Variants in DLGAP1 observed in about 807,000 individuals in gnomAD.
DLGAP1 encodes DLG associated protein 1, also known as disks large-associated protein 1.
In DLGAP1, 11 loss-of-function variants were observed where a neutral mutation model predicts 90.8. That is an observed-to-expected ratio of 0.12 (90% CI 0.08 to 0.20). The LOEUF is 0.20. DLGAP1 is among the 10% of genes least tolerant of loss of function. The pLI, the probability that DLGAP1 is intolerant of heterozygous loss-of-function variation, is 1.00. For synonymous variants in DLGAP1, 558 were observed against 540.7 expected (o/e 1.03, Z -0.44); for missense variants, 1,050 against 1,333.8 (o/e 0.79, Z 3.31).
intron 7 of DLGAP1, among the ~76,000 whole-genome samples, chr18:3,591,604 G>T (rs927697773): frequency 3.9e-5 from 6 of 151,910 alleles, no homozygotes; most frequent in African/African-American, 1.4e-4. Flanking sequence ...TTGGAAGGCT[G>T]GGGCGGGAGG....
intron 1 of DLGAP1, chr18:4,295,338 C>T (rs559571794): frequency 6.6e-6 from 1 of 152,254 alleles, no homozygotes; most frequent in African/African-American, 2.4e-5. Context: ...TGTCTGGTTT[C>T]TTCAGTAGCC....
chr18:4,347,969 T>C (rs2081330056), intron 1 of DLGAP1, among the ~76,000 whole-genome samples: 1 of 152,106 alleles, frequency 6.6e-6, no homozygotes, highest in African/African-American at 2.4e-5. Context: ...GGCAACAGGA[T>C]ATGAAATTAA....
chr18:3,761,029 A>G (rs2063940703), intron 5 of DLGAP1, among the ~76,000 whole-genome samples: 1 of 152,210 alleles, frequency 6.6e-6, no homozygotes, highest in Non-Finnish European at 1.5e-5. Context: ...ACTGCGTAAT[A>G]AACATCTGTC....
intron 6 of DLGAP1, among the ~76,000 whole-genome samples, chr18:3,734,272 A>G (rs989270903): frequency 6.6e-6 from 1 of 151,892 alleles, no homozygotes; most frequent in African/African-American, 2.4e-5. Flanking sequence ...TCTCTCTAAG[A>G]GATAGGGTCT....
chr18:3,880,133 G>T lies in DLGAP1; in HGVS notation c.-65C>A. ...AAGTCAGGCTCCAGACCCGTCTTGG[G>T]CAGGGATCTGGGGGAATGAAGAAAA... On this transcript the variant is annotated 5_prime_UTR_variant, in exon 4 of 13. Coordinates refer to ENST00000315677, the MANE Select transcript of DLGAP1 (RefSeq NM_004746.4). 6.8e-7 allele frequency: 1 copy of T among 1,477,012 alleles called. No homozygotes were observed. The highest frequency in any genetic ancestry group is 9.3e-7 in the Non-Finnish European group (1 of 1,074,532). The allele number at this position is 1,477,012 out of a possible 1,614,324, so 91.5% of individuals were successfully genotyped here.
chr18:3,650,825 T>C (rs2059271123), intron 7 of DLGAP1, among the ~76,000 whole-genome samples: 1 of 152,160 alleles, frequency 6.6e-6, no homozygotes, highest in South Asian at 2.1e-4. Context: ...TCCCAGCACT[T>C]TGGGAGGCCA....
chr18:3,872,266 C>A (rs9948278), intron 4 of DLGAP1, among the ~76,000 whole-genome samples: 15,967 of 146,364 alleles, frequency 0.11, 1,142 homozygotes, highest in Non-Finnish European at 0.15. Context: ...AGAATTTGGT[C>A]AAAAGTAACA....
intron 1 of DLGAP1, among the ~76,000 whole-genome samples, chr18:4,380,513 T>A (rs75471625): frequency 0.019 from 2,910 of 152,264 alleles, 60 homozygotes; most frequent in African/African-American, 0.049. Context: ...CCCTTTACTA[T>A]AGATGATCTA....
chr18:3,643,323 T>C (rs981904888), intron 7 of DLGAP1, among the ~76,000 whole-genome samples: 5 of 152,022 alleles, frequency 3.3e-5, no homozygotes, highest in African/African-American at 1.2e-4. Flanking sequence ...CTCTCTAATA[T>C]ATAACTCCAA....
intron 2 of DLGAP1, among the ~76,000 whole-genome samples, chr18:4,128,917 G>C (rs2076272493): frequency 6.6e-6 from 1 of 152,006 alleles, no homozygotes; most frequent in South Asian, 2.1e-4. Flanking sequence ...TTAACTTGTA[G>C]TTTTCCTGAA....
In DLGAP1 at chr18:4,342,425, C is replaced by G. The variant is rs2081210852; in HGVS notation, c.-267+112581G>C. Reference sequence around the variant, plus strand: ...ATTGGAAAGGAAATATCTTGCACTACTAAGACTAAATGGTTTTAAAACTCT... The same window carrying G: ...ATTGGAAAGGAAATATCTTGCACTAGTAAGACTAAATGGTTTTAAAACTCT... On this transcript the variant is annotated intron_variant, in intron 1 of 12. Transcript: ENST00000315677. This position sits in a 1 kb window ranked among gnomAD's most constrained non-coding sequence, Gnocchi z 5.8. 6.6e-6 allele frequency among the ~76,000 whole-genome samples: 1 copy of G among 152,152 alleles called. No individual in the cohort carries two copies. The highest frequency in any genetic ancestry group is 2.4e-5 in the African/African-American group (1 of 41,414).
intron 3 of DLGAP1, among the ~76,000 whole-genome samples, chr18:3,901,129 C>T (rs571762982): frequency 3.9e-5 from 6 of 152,268 alleles, no homozygotes; most frequent in East Asian, 3.9e-4. Flanking sequence ...AACCACCAAA[C>T]GACTTGAAGT....
intron 7 of DLGAP1, among the ~76,000 whole-genome samples, chr18:3,611,759 A>G (rs1413595373): frequency 6.6e-6 from 1 of 152,186 alleles, no homozygotes; most frequent in Non-Finnish European, 1.5e-5. Flanking sequence ...AGGAAACCCC[A>G]AAGAAAATCC....
chr18:4,073,383 C>T lies in DLGAP1; in HGVS notation c.-158-68182G>A, dbSNP rs559815898. Among the ~76,000 whole-genome samples the T allele has an allele frequency of 5.9e-5, 9 of 152,262 alleles. No individual in the cohort carries two copies. In the East Asian group the frequency reaches 1.7e-3, roughly 29 times the overall value. On this transcript the variant is annotated intron_variant, in intron 2 of 12. Transcript: ENST00000315677. Reference sequence around the variant, plus strand: ...AGGAAAATGGAATTAGGAGTTCACACTTTAGTAAGAAGAGAACTAAGATAT... The same window carrying T: ...AGGAAAATGGAATTAGGAGTTCACATTTTAGTAAGAAGAGAACTAAGATAT...
At chr18:3,570,310 A>C in intron 8 of DLGAP1, among the ~76,000 whole-genome samples, 1 of 143,620 alleles carries the variant, frequency 7.0e-6, no homozygotes, top group East Asian at 2.1e-4. Flanking sequence ...ATGGAGTTTC[A>C]CTCTGTTGCC....
At chr18:3,703,620 T>G (rs186447443) in intron 7 of DLGAP1, among the ~76,000 whole-genome samples, 1 of 152,374 alleles carries the variant, frequency 6.6e-6, no homozygotes, top group East Asian at 1.9e-4. Flanking sequence ...TCACTAGATA[T>G]GGACACATTC....
intron 4 of DLGAP1, among the ~76,000 whole-genome samples, chr18:3,826,141 G>T (rs1310898116): frequency 1.3e-5 from 2 of 152,090 alleles, no homozygotes; most frequent in Non-Finnish European, 2.9e-5. Flanking sequence ...GGATGGTGAA[G>T]GGCAAGGGTT....
intron 1 of DLGAP1, among the ~76,000 whole-genome samples, chr18:4,327,091 T>C (rs1476870979): frequency 2.6e-5 from 1 of 37,802 alleles, no homozygotes; most frequent in Non-Finnish European, 4.5e-5. Flanking sequence ...AATTAAAGAA[T>C]ACAAATTTAC....
chr18:3,972,552 T>C (rs1599245694), intron 3 of DLGAP1, among the ~76,000 whole-genome samples: 1 of 152,176 alleles, frequency 6.6e-6, no homozygotes. Context: ...TTTAGAATTA[T>C]ACAGTGTTTG....
Sources: gnomAD v4.1 joint callset for allele counts (sites outside exome capture counted in the v4.1 genomes callset) on GRCh38, gnomAD v4.1.1 for gene constraint, Gnocchi (gnomAD v3.1) non-coding constraint, MANE v1.5 for transcripts, NCBI Gene and HGNC (gene_info 2026-07-23, HGNC 2026-07-21) for gene names.